The following MACF1 variants were observed in gnomAD, a reference collection of about 807,000 sequenced individuals.
MACF1 encodes microtubule actin crosslinking factor 1.
In MACF1, 193 loss-of-function variants were observed where a neutral mutation model predicts 854.8. The ratio of observed to expected loss-of-function variants is 0.23; its 90% confidence interval spans 0.20 to 0.25. The LOEUF (loss-of-function observed/expected upper bound fraction) is 0.25, where lower values mean the gene tolerates loss of function less well. MACF1 is among the 10% of genes least tolerant of loss of function. The pLI is 1.00. For synonymous variants in MACF1, 3,185 were observed against 3,226.7 expected, an observed-to-expected ratio of 0.99 and a Z score of 0.44; for missense variants, 7,722 against 8,929.1, an observed-to-expected ratio of 0.86 and a Z score of 5.45.
intron 28 of MACF1, 110 bp from the exon 29 acceptor site, chr1:39,317,104 C>A: frequency 9.0e-7 from 1 of 1,109,670 alleles, no homozygotes; most frequent in Non-Finnish European, 1.3e-6. Flanking sequence ...GGCACAATCA[C>A]ATATACAATG....
rs1645134541 is a variant in MACF1, at chr1:39,259,525, G to A, written c.528+1497G>A. 2.0e-5 allele frequency among the ~76,000 whole-genome samples: 3 copies of A among 152,214 alleles called. 1 individual carries two copies. The South Asian group carries it at 6.2e-4, about 32-fold the overall frequency. On this transcript the variant is annotated intron_variant, in intron 6 of 100. Coordinates refer to ENST00000564288, the MANE Select transcript of MACF1 (RefSeq NM_001394062.1). ...GATCCACCCACCTCGGTCTCCCAAAGTGTTGGGATTACAGGCGTGAGCCAC... is the reference window on the plus strand; with the variant it reads ...GATCCACCCACCTCGGTCTCCCAAAATGTTGGGATTACAGGCGTGAGCCAC...
chr1:39,104,630 C>T (rs1642172941), intron 2 of MACF1, among the ~76,000 whole-genome samples: 1 of 152,130 alleles, frequency 6.6e-6, no homozygotes, highest in Non-Finnish European at 1.5e-5. Context: ...TCTTATTCAC[C>T]CCATGGTGCA....
intron 20 of MACF1, among the ~76,000 whole-genome samples, chr1:39,296,148 T>C (rs1645895565): frequency 6.6e-6 from 1 of 152,214 alleles, no homozygotes; most frequent in African/African-American, 2.4e-5. Flanking sequence ...GCATTGCTCA[T>C]GTCTGAGAGT....
At chr1:39,136,469 G>T (rs1643171650) in intron 2 of MACF1, among the ~76,000 whole-genome samples, 1 of 152,150 alleles carries the variant, frequency 6.6e-6, no homozygotes, top group African/African-American at 2.4e-5. Context: ...GGTGGAAGGC[G>T]TGGTTTATAC....
intron 2 of MACF1, among the ~76,000 whole-genome samples, chr1:39,136,829 G>A (rs903885258): frequency 2.0e-5 from 3 of 152,076 alleles, no homozygotes; most frequent in Non-Finnish European, 4.4e-5. Flanking sequence ...GATTAAATAT[G>A]AACGACAGTA....
intron 2 of MACF1, among the ~76,000 whole-genome samples, chr1:39,138,857 GTTTTACCATGTTGGCCAGGC>G (rs1483330063): frequency 6.6e-6 from 1 of 152,078 alleles, no homozygotes; most frequent in Non-Finnish European, 1.5e-5. Flanking sequence ...TAGAGATGGG[GTTTTACCATGTTGGCCAGGC>G]TGGTCTCGAA....
At chr1:39,323,426 A>G (rs1646549025) in intron 33 of MACF1, among the ~76,000 whole-genome samples, 1 of 151,244 alleles carries the variant, frequency 6.6e-6, no homozygotes, top group Non-Finnish European at 1.5e-5. Flanking sequence ...CCAGCAAAAT[A>G]TATGCTATAT....
chr1:39,285,579 CT>C, intron 13 of MACF1, 24 bp from the exon 14 acceptor site: 2 of 1,608,592 alleles, frequency 1.2e-6, no homozygotes, highest in Non-Finnish European at 1.7e-6. Context: ...AGTTTTCCCA[CT>C]GTTATTCTCT....
rs529185891 is a variant in MACF1 at position 39,455,226 on chromosome 1, A to G, written c.21075+129A>G. On this transcript the variant is annotated intron_variant, in intron 89 of 100. Coordinates refer to ENST00000564288, the MANE Select transcript of MACF1 (RefSeq NM_001394062.1). ...ACCACAGACTTAGCACTGTAAAACA[A>G]CACATACTTACTTACCTCATAGTTT... 7.6e-5 allele frequency: 64 copies of G among 842,592 alleles called. 1 individual carries two copies. In the South Asian group the frequency reaches 1.1e-3, roughly 15 times the overall value. 52.2% of individuals were successfully genotyped at this position (842,592 alleles called of 1,614,324 possible). A position where few individuals can be genotyped will look rare whatever the true frequency, so the allele number is the denominator to read the frequency against.
intron 90 of MACF1, chr1:39,458,702 G>C (rs1211783527): frequency 4.9e-6 from 3 of 608,792 alleles, no homozygotes; most frequent in African/African-American, 3.7e-5. Context: ...GAAATTACGA[G>C]GTGGTTAAGC....
At chr1:39,386,754 G>A (rs932504260) in intron 57 of MACF1, among the ~76,000 whole-genome samples, 9 of 151,120 alleles carry the variant, frequency 6.0e-5, no homozygotes, top group African/African-American at 1.7e-4. Context: ...TAGTAGAGAC[G>A]AGGTCTTGCT....
In MACF1 at chr1:39,345,377, A is replaced by C. The variant is rs114061701; in HGVS notation, c.10582-1600A>C. On this transcript the variant is annotated intron_variant, in intron 40 of 100. Coordinates refer to ENST00000564288, the MANE Select transcript of MACF1 (RefSeq NM_001394062.1). ...TGTAATCCCAGCACTTTGGGAGGCT[A>C]AGTGGAAGGATCACTTAAGCCCGGG... Among the ~76,000 whole-genome samples, 930 of 152,086 alleles carry C rather than the reference A, an allele frequency of 6.1e-3. 7 individuals are homozygous for C. The highest frequency in any genetic ancestry group is 0.021 in the African/African-American group (891 of 41,468).
chr1:39,110,623 A>C (rs980439772), intron 2 of MACF1, among the ~76,000 whole-genome samples: 2 of 152,182 alleles, frequency 1.3e-5, no homozygotes. Flanking sequence ...AGTAAGTGCT[A>C]CTTCTGGACA....
In MACF1 at chr1:39,331,963, A is replaced by G. The variant is rs1256363478; in HGVS notation, c.5375A>G (p.His1792Arg). 2 of 1,614,168 alleles carry G rather than the reference A, an allele frequency of 1.2e-6. No homozygotes were observed. The highest frequency in any genetic ancestry group is 2.2e-5 in the East Asian group (1 of 44,876). ...HRLTVEEAVR[H>R]NLIDQDMACA... The stretch of plus-strand genomic sequence containing the variant: ...CTTACAGTGGAAGAGGCTGTAAGAC[A>G]TAATCTGATTGACCAAGATATGGCC... The change falls in exon 37 of 101, where the codon CAT (histidine) becomes CGT (arginine). Residue 1792 changes from histidine to arginine, a missense_variant. Physicochemically the swap from His to Arg is conservative, Grantham distance 29. Around this residue, in one of 15 missense-constraint regions of MACF1, gnomAD observed 1,531 missense variants for 1,601.6 expected, o/e 0.96. Transcript: ENST00000564288.
In MACF1 at chr1:39,451,226, TG is replaced by T. The variant is rs766612415; in HGVS notation, c.20418+18del. 104 of 1,610,822 alleles carry T rather than the reference TG, an allele frequency of 6.5e-5. No homozygotes were observed. In the East Asian group the frequency reaches 1.6e-3, roughly 25 times the overall value. The stretch of plus-strand genomic sequence containing the variant: ...ATGCACACAAGGTAGGGGTGAGGTC[TG>T]GGCTACATTGGAGTGCAGTGGGTCT... On this transcript the variant is annotated intron_variant, in intron 85 of 100. Transcript: ENST00000564288.
intron 56 of MACF1, among the ~76,000 whole-genome samples, chr1:39,384,278 T>C (rs1486989580): frequency 6.6e-6 from 1 of 152,126 alleles, no homozygotes; most frequent in African/African-American, 2.4e-5. Context: ...CACATCAGAG[T>C]TTAATCATTT....
At chr1:39,219,348 G>A (rs746508507) in intron 1 of MACF1, among the ~76,000 whole-genome samples, 52 of 152,246 alleles carry the variant, frequency 3.4e-4, no homozygotes, top group Middle Eastern at 6.8e-3. Flanking sequence ...TGTATACTGC[G>A]TGACTTTGGG....
intron 2 of MACF1, among the ~76,000 whole-genome samples, chr1:39,243,484 T>G (rs1644947710): frequency 6.6e-6 from 1 of 152,080 alleles, no homozygotes; most frequent in Admixed American, 6.6e-5. Context: ...TCCCTGCAGC[T>G]TCAGTCGGCT....
chr1:39,398,964 A>G (rs914233822), intron 58 of MACF1, among the ~76,000 whole-genome samples: 17 of 152,190 alleles, frequency 1.1e-4, no homozygotes, highest in African/African-American at 3.4e-4. Flanking sequence ...ACTGTTTGGA[A>G]CAAAGGACCC....
Sources: allele counts gnomAD v4.1 joint callset (sites outside exome capture counted in the v4.1 genomes callset), GRCh38; gene constraint gnomAD v4.1.1; regional missense constraint gnomAD v4.1.1; transcripts MANE v1.5; gene names NCBI Gene and HGNC (gene_info 2026-07-23, HGNC 2026-07-21).